HTT: variants seen among roughly 807,000 people sequenced by gnomAD.
The protein encoded by HTT is huntingtin.
In HTT, 104 loss-of-function variants were observed where a neutral mutation model predicts 362.3. The observed-to-expected ratio is 0.29, with a 90% CI of 0.24 to 0.34. The LOEUF is 0.34. Ranked by LOEUF, HTT falls within the 10% of genes least tolerant of loss-of-function variation. The probability of loss-of-function intolerance (pLI) is 1.00; values close to 1 mark genes in which losing one functional copy is unlikely to be tolerated. For missense variants in HTT, 3,301 were observed against 3,928.6 expected (o/e 0.84, Z 4.27); for synonymous variants, 1,577 against 1,548.7 (o/e 1.02, Z -0.43).
At chr4:3,188,110 G>A (rs1718851252) in intron 39 of HTT, 1 of 464,808 alleles carries the variant, frequency 2.2e-6, no homozygotes, top group Middle Eastern at 5.8e-4. Context: ...CCTCAGTAGA[G>A]ATGCTACAGC....
chr4:3,157,235 A>G, intron 28 of HTT, 36 bp downstream of exon 28: 2 of 1,578,544 alleles, frequency 1.3e-6, no homozygotes, highest in Non-Finnish European at 1.7e-6. Context: ...ATATATATGC[A>G]CACATACTTA....
chr4:3,181,339 T>C (rs1388124010), intron 36 of HTT, among the ~76,000 whole-genome samples: 2 of 152,228 alleles, frequency 1.3e-5, no homozygotes, highest in Admixed American at 1.3e-4. Flanking sequence ...CTTAAAATGA[T>C]AGAAATCTCA....
At position 3,242,379 on chromosome 4, in the gene HTT, A is replaced by G. The variant is rs1215466416; in HGVS notation, c.*2320A>G. 2 of 152,230 alleles carry G rather than the reference A, an allele frequency of 1.3e-5. No individual in the cohort carries two copies. The highest frequency in any genetic ancestry group is 2.9e-5 in the Non-Finnish European group (2 of 68,052). 9.4% of individuals were successfully genotyped at this position (152,230 alleles called of 1,614,324 possible). On this transcript the variant is annotated 3_prime_UTR_variant, in exon 67 of 67. Coordinates refer to ENST00000355072, the MANE Select transcript of HTT (RefSeq NM_001388492.1). ...TTAGTAAAAATGACTTCACCCACGC[A>G]TATACATAAAGTATCCATGCATGTG...
intron 46 of HTT, 81 bp from the exon 47 acceptor site, chr4:3,209,746 C>CCTAG (rs1720056632): frequency 2.6e-6 from 4 of 1,564,740 alleles, no homozygotes; most frequent in Non-Finnish European, 3.5e-6. Context: ...CAAGCACTGG[C>CCTAG]CTAGGCCTGT....
chr4:3,234,721 T>G (rs952175340), intron 61 of HTT, among the ~76,000 whole-genome samples: 7 of 152,044 alleles, frequency 4.6e-5, no homozygotes, highest in Non-Finnish European at 5.9e-5. Flanking sequence ...GAGGTGGAGG[T>G]GGGACCACGT....
In HTT at chr4:3,195,342, C is replaced by G. The variant is rs568392589; in HGVS notation, c.5369-4390C>G. On this transcript the variant is annotated intron_variant, in intron 40 of 66. Coordinates refer to ENST00000355072, the MANE Select transcript of HTT (RefSeq NM_001388492.1). ...TTTTAATATTTCTTTGTTTAGCTCACAAAAACACGGCTTGCGGAGCTGCTG... is the reference window on the plus strand; with the variant it reads ...TTTTAATATTTCTTTGTTTAGCTCAGAAAAACACGGCTTGCGGAGCTGCTG... Among the ~76,000 whole-genome samples the G allele has an allele frequency of 4.6e-5, 7 of 152,278 alleles. 1 individual carries two copies. The highest frequency in any genetic ancestry group is 1.7e-4 in the African/African-American group (7 of 41,550).
chr4:3,074,932 A>AATAGCC lies in HTT; in HGVS notation c.107_108insATAGCC (p.Gln36_Gln37insTer). 1 of 1,277,748 alleles carries AATAGCC rather than the reference A, an allele frequency of 7.8e-7. No individual in the cohort carries two copies. The highest frequency in any genetic ancestry group is 1.0e-6 in the Non-Finnish European group (1 of 963,928). 79.2% of individuals were successfully genotyped at this position (1,277,748 alleles called of 1,614,324 possible). A position where few individuals can be genotyped will look rare whatever the true frequency, so the allele number is the denominator to read the frequency against. On this transcript the variant is annotated stop_gained and inframe_insertion, in exon 1 of 67. Transcript: ENST00000355072. LOFTEE classifies it high-confidence loss of function. ...CAGCAGCAGCAGCAGCAGCAGCAGC[A>AATAGCC]GCAACAGCCGCCACCGCCGCCGCCG...
intron 9 of HTT, among the ~76,000 whole-genome samples, chr4:3,122,358 G>A (rs1715335121): frequency 6.6e-6 from 1 of 152,250 alleles, no homozygotes; most frequent in Non-Finnish European, 1.5e-5. Context: ...CGTGGTCGGT[G>A]TAGTGCACAG....
At chr4:3,157,891 CTTGAG>C (rs1163854049) in intron 28 of HTT, among the ~76,000 whole-genome samples, 1 of 151,936 alleles carries the variant, frequency 6.6e-6, no homozygotes, top group Non-Finnish European at 1.5e-5. Context: ...CACTAATTGG[CTTGAG>C]TTACTTACAT....
At chr4:3,159,696 A>G (rs926664400) in intron 28 of HTT, among the ~76,000 whole-genome samples, 2 of 152,178 alleles carry the variant, frequency 1.3e-5, no homozygotes, top group Admixed American at 1.3e-4. Context: ...TGTTTTACCA[A>G]TATTTATTTT....
intron 52 of HTT, among the ~76,000 whole-genome samples, chr4:3,219,416 G>C (rs2110284341): frequency 6.6e-6 from 1 of 152,318 alleles, no homozygotes; most frequent in East Asian, 1.9e-4. Flanking sequence ...GGAGTTCCCT[G>C]AGTGCGGTCA....
intron 23 of HTT, among the ~76,000 whole-genome samples, chr4:3,143,117 A>C (rs1453494356): frequency 6.6e-6 from 1 of 152,196 alleles, no homozygotes; most frequent in East Asian, 1.9e-4. Flanking sequence ...CAAAATAAAA[A>C]AATTCAGCCA....
chr4:3,076,975 T>C (rs948963437), intron 1 of HTT, among the ~76,000 whole-genome samples: 4 of 152,006 alleles, frequency 2.6e-5, no homozygotes, highest in African/African-American at 9.7e-5. Flanking sequence ...GTCAGGAGTT[T>C]GAGACCAGCC....
In HTT at chr4:3,135,941, C is replaced by A. The variant is rs373663711; in HGVS notation, c.2671C>A (p.His891Asn). Reference protein sequence around the residue: ...SFLEAKAENLHRGAHHYTGLL... With the variant: ...SFLEAKAENLNRGAHHYTGLL... Reference sequence around the variant, plus strand: ...TTTGGAGGCAAAAGCAGAAAACTTACACAGAGGGGCTCATCATTATACAGG... The same window carrying A: ...TTTGGAGGCAAAAGCAGAAAACTTAAACAGAGGGGCTCATCATTATACAGG... Residue 891 changes from histidine (H) to asparagine (N), a missense_variant, in exon 20 of 67, where the codon CAC (histidine) becomes AAC (asparagine). Around this residue, in one of 4 missense-constraint regions of HTT, gnomAD observed 2,316 missense variants for 2,658.5 expected, o/e 0.87. Transcript: ENST00000355072. 1 of 1,604,020 alleles carries A rather than the reference C, an allele frequency of 6.2e-7. No homozygotes were observed. Among genetic ancestry groups the A allele is most frequent in the Non-Finnish European group, 8.5e-7 (1 of 1,176,778 alleles).
chr4:3,083,997 C>G (rs1179245473), intron 1 of HTT, among the ~76,000 whole-genome samples: 2 of 152,036 alleles, frequency 1.3e-5, no homozygotes, highest in African/African-American at 2.4e-5. Flanking sequence ...AAGCCAATCC[C>G]AAAAGGTTAT....
At chr4:3,124,261 A>G (rs908949536) in intron 10 of HTT, among the ~76,000 whole-genome samples, 1 of 152,206 alleles carries the variant, frequency 6.6e-6, no homozygotes, top group Non-Finnish European at 1.5e-5. Flanking sequence ...CGCTTTTTCC[A>G]GTGGCGGTGA....
chr4:3,221,726 C>A (rs766534531), intron 53 of HTT, among the ~76,000 whole-genome samples: 1 of 152,208 alleles, frequency 6.6e-6, no homozygotes, highest in African/African-American at 2.4e-5. Flanking sequence ...TCAGAAACAA[C>A]TGTTCGTTAG....
intron 47 of HTT, among the ~76,000 whole-genome samples, chr4:3,211,282 G>T (rs1720149340): frequency 6.6e-6 from 1 of 152,156 alleles, no homozygotes; most frequent in African/African-American, 2.4e-5. Flanking sequence ...CTGTTTATTA[G>T]GTTTTCCAAA....
At chr4:3,213,408 A>C (rs1720254416) in intron 49 of HTT, among the ~76,000 whole-genome samples, 1 of 152,248 alleles carries the variant, frequency 6.6e-6, no homozygotes. Flanking sequence ...TGCTGTATGC[A>C]GGATGAAATA....
Sources: gnomAD v4.1 joint callset for allele counts (sites outside exome capture counted in the v4.1 genomes callset) on GRCh38, gnomAD v4.1.1 for gene constraint, gnomAD v4.1.1 regional missense constraint, MANE v1.5 for transcripts, NCBI Gene and HGNC (gene_info 2026-07-23, HGNC 2026-07-21) for gene names.